The following CFAP299 variants were observed in gnomAD, a reference collection of about 807,000 sequenced individuals.
The protein encoded by CFAP299 is cilia- and flagella-associated protein 299.
CFAP299 carries 21 observed loss-of-function variants against 27.0 expected under a neutral mutation model. The ratio of observed to expected loss-of-function variants is 0.78; its 90% confidence interval spans 0.55 to 1.12. The LOEUF is 1.12. Among genes scored for constraint, CFAP299 ranks in the 50% most tolerant of loss-of-function variants. The probability of loss-of-function intolerance (pLI) is 0.00; values close to 1 mark genes in which losing one functional copy is unlikely to be tolerated. For synonymous variants in CFAP299, 104 were observed against 98.1 expected, an observed-to-expected ratio of 1.06 and a Z score of -0.36; for missense variants, 310 against 276.6, an observed-to-expected ratio of 1.12 and a Z score of -0.86.
chr4:80,651,367 C>CTTCT (rs746160792), intron 3 of CFAP299, among the ~76,000 whole-genome samples: 2 of 133,778 alleles, frequency 1.5e-5, no homozygotes, highest in African/African-American at 2.8e-5. Context: ...TCTTCTTCTT[C>CTTCT]TTTTTTTTTT....
At chr4:80,554,321 G>GT in intron 2 of CFAP299, among the ~76,000 whole-genome samples, 1 of 151,984 alleles carries the variant, frequency 6.6e-6, no homozygotes. Context: ...TTATTTCTGT[G>GT]TTATCTATTG....
At chr4:80,709,438 C>T (rs1722011667) in intron 3 of CFAP299, among the ~76,000 whole-genome samples, 1 of 152,112 alleles carries the variant, frequency 6.6e-6, no homozygotes, top group South Asian at 2.1e-4. Context: ...CTGCTCCCTG[C>T]TTGATATAAG....
chr4:80,852,142 T>C (rs1388046716), intron 3 of CFAP299, among the ~76,000 whole-genome samples: 1 of 152,212 alleles, frequency 6.6e-6, no homozygotes, highest in African/African-American at 2.4e-5. Context: ...CCCTTTTCTG[T>C]TTCTTCTCTT....
intron 3 of CFAP299, among the ~76,000 whole-genome samples, chr4:80,758,453 A>T (rs1229456667): frequency 6.6e-6 from 1 of 151,820 alleles, no homozygotes; most frequent in African/African-American, 2.4e-5. Flanking sequence ...GGATGGGGGG[A>T]AGGGAGGGCC....
At position 80,859,186 on chromosome 4, in the gene CFAP299, A is replaced by C. The variant is rs184007217; in HGVS notation, c.334-10807A>C. ...GTAATGGTCTTCTTTGTCTCTTTTG[A>C]TCTTTGTTGGTTTAAAGTCTGTTTT... On this transcript the variant is annotated intron_variant, in intron 3 of 5. Coordinates refer to ENST00000358105, the MANE Select transcript of CFAP299 (RefSeq NM_152770.3). Among the ~76,000 whole-genome samples, 712 of 151,898 alleles carry C rather than the reference A, an allele frequency of 4.7e-3. 3 individuals carry two copies. The highest frequency in any genetic ancestry group is 0.016 in the African/African-American group (668 of 41,380).
chr4:80,814,575 T>C (rs953656921), intron 3 of CFAP299, among the ~76,000 whole-genome samples: 1 of 151,968 alleles, frequency 6.6e-6, no homozygotes, highest in Non-Finnish European at 1.5e-5. Context: ...ACTCCGTAAT[T>C]TGGGAATAAT....
At chr4:80,784,197 A>T (rs926324053) in intron 3 of CFAP299, among the ~76,000 whole-genome samples, 1 of 152,140 alleles carries the variant, frequency 6.6e-6, no homozygotes, top group Non-Finnish European at 1.5e-5. Flanking sequence ...AGTGGTGTAG[A>T]TATACTCCTT....
At chr4:80,434,091 T>C (rs1727950408) in intron 2 of CFAP299, among the ~76,000 whole-genome samples, 1 of 152,188 alleles carries the variant, frequency 6.6e-6, no homozygotes, top group South Asian at 2.1e-4. Context: ...TTTATTTATA[T>C]TAAAATTTGT....
At chr4:80,742,927 C>T (rs1273369744) in intron 3 of CFAP299, among the ~76,000 whole-genome samples, 1 of 152,144 alleles carries the variant, frequency 6.6e-6, no homozygotes, top group African/African-American at 2.4e-5. Flanking sequence ...ATGCAACTCA[C>T]TTCAGCAATC....
chr4:80,681,389 G>A (rs574005339), intron 3 of CFAP299, among the ~76,000 whole-genome samples: 3 of 151,978 alleles, frequency 2.0e-5, no homozygotes, highest in Admixed American at 2.0e-4. Flanking sequence ...GAATGAGTCA[G>A]GTACACAAGA....
chr4:80,747,694 A>G (rs888909684), intron 3 of CFAP299, among the ~76,000 whole-genome samples: 1 of 151,976 alleles, frequency 6.6e-6, no homozygotes, highest in African/African-American at 2.4e-5. Context: ...TGACATAGCT[A>G]GTATTTACCT....
In CFAP299 at chr4:80,595,199, T is replaced by A. The variant is rs140173931; in HGVS notation, c.333+12016T>A. On this transcript the variant is annotated intron_variant, in intron 3 of 5. Coordinates refer to ENST00000358105, the MANE Select transcript of CFAP299 (RefSeq NM_152770.3). ...CTTCCATATCTCTGGAATTCCTGAG[T>A]CCTGAATTTCTCTAGGGCTCTGCCA... 1.9e-3 allele frequency among the ~76,000 whole-genome samples: 291 copies of A among 152,216 alleles called. 2 individuals are homozygous for A. Among genetic ancestry groups the A allele is most frequent in the African/African-American group, 6.5e-3 (270 of 41,512 alleles).
chr4:80,493,519 G>C (rs1292250775), intron 2 of CFAP299, among the ~76,000 whole-genome samples: 1 of 152,148 alleles, frequency 6.6e-6, no homozygotes, highest in Non-Finnish European at 1.5e-5. Flanking sequence ...ATCAGAATGA[G>C]TTAGAGTAGA....
At chr4:80,769,117 G>GA (rs1163304695) in intron 3 of CFAP299, among the ~76,000 whole-genome samples, 2 of 151,918 alleles carry the variant, frequency 1.3e-5, no homozygotes, top group South Asian at 2.1e-4. Flanking sequence ...TCATTTGAAA[G>GA]AAAAAAATAA....
At chr4:80,542,607 C>T (rs1257820033) in intron 2 of CFAP299, among the ~76,000 whole-genome samples, 7 of 152,142 alleles carry the variant, frequency 4.6e-5, no homozygotes, top group Non-Finnish European at 1.0e-4. Flanking sequence ...GTCTTTCTCA[C>T]GGGACCAGGG....
At chr4:80,326,352 A>G in the CFAP299 span, among the ~76,000 whole-genome samples, 2 of 152,220 alleles carry the variant, frequency 1.3e-5, no homozygotes, top group African/African-American at 4.8e-5. Context: ...TGAAGAAGAC[A>G]GGTGGGAATA....
At chr4:80,597,636 G>A (rs1737123867) in intron 3 of CFAP299, among the ~76,000 whole-genome samples, 1 of 151,978 alleles carries the variant, frequency 6.6e-6, no homozygotes, top group Admixed American at 6.6e-5. Flanking sequence ...CTATGTTATA[G>A]TCTAGAAGTT....
At chr4:80,846,995 A>T (rs1313905987) in intron 3 of CFAP299, among the ~76,000 whole-genome samples, 1 of 152,190 alleles carries the variant, frequency 6.6e-6, no homozygotes, top group Non-Finnish European at 1.5e-5. Flanking sequence ...GATGATAGTG[A>T]AAAGGTAACA....
intron 2 of CFAP299, among the ~76,000 whole-genome samples, chr4:80,465,119 C>T (rs1463218987): frequency 6.6e-6 from 1 of 151,976 alleles, no homozygotes; most frequent in Non-Finnish European, 1.5e-5. Context: ...ATTAAATAAT[C>T]CCAGTTGTTT....
Sources: allele counts gnomAD v4.1 joint callset (sites outside exome capture counted in the v4.1 genomes callset), GRCh38; gene constraint gnomAD v4.1.1; transcripts MANE v1.5; gene names NCBI Gene and HGNC (gene_info 2026-07-23, HGNC 2026-07-21).